The following TRHDE variants were observed in gnomAD, a reference collection of about 807,000 sequenced individuals.
TRHDE encodes thyrotropin releasing hormone degrading enzyme.
A neutral mutation model predicts 125.7 loss-of-function variants in TRHDE; 72 were observed. That is an observed-to-expected ratio of 0.57 (90% CI 0.47 to 0.70). TRHDE has a LOEUF of 0.70. TRHDE is among the 30% of genes least tolerant of loss of function. The pLI is 0.00. For synonymous variants in TRHDE, 509 were observed against 509.1 expected (o/e 1.00, Z 0.00); for missense variants, 1,110 against 1,327.1 (o/e 0.84, Z 2.54).
intron 5 of TRHDE, among the ~76,000 whole-genome samples, chr12:72,480,177 C>T (rs1230346137): frequency 6.6e-6 from 1 of 151,716 alleles, no homozygotes; most frequent in Non-Finnish European, 1.5e-5. Flanking sequence ...GGTATATACC[C>T]AGTAATGGGA....
At chr12:72,378,824 C>A (rs1051383178) in intron 3 of TRHDE, among the ~76,000 whole-genome samples, 3 of 152,168 alleles carry the variant, frequency 2.0e-5, no homozygotes, top group African/African-American at 7.2e-5. Flanking sequence ...CGGTCAAATG[C>A]ATAAATGAAT....
At chr12:72,464,122 G>A (rs1169673385) in intron 3 of TRHDE, among the ~76,000 whole-genome samples, 1 of 152,100 alleles carries the variant, frequency 6.6e-6, no homozygotes, top group Non-Finnish European at 1.5e-5. Context: ...AGCACACTGG[G>A]GGCCTATCAA....
At chr12:72,269,840 G>T (rs1201036580), upstream of TRHDE, among the ~76,000 whole-genome samples, 1 of 152,012 alleles carries the variant, frequency 6.6e-6, no homozygotes, top group Admixed American at 6.6e-5. Context: ...TTTAAAAAAA[G>T]ACAAACAGAA....
chr12:72,146,213 T>C (rs568263037), intron 2 of TRHDE, among the ~76,000 whole-genome samples: 35 of 152,312 alleles, frequency 2.3e-4, no homozygotes, highest in African/African-American at 8.2e-4. Context: ...CTAAATTCTT[T>C]GTCTTGTTTA....
At chr12:72,392,517 A>G (rs1237447235) in intron 3 of TRHDE, among the ~76,000 whole-genome samples, 1 of 152,210 alleles carries the variant, frequency 6.6e-6, no homozygotes, top group African/African-American at 2.4e-5. Flanking sequence ...CAATATCACA[A>G]TGATCAGCAA....
At chr12:72,346,486 T>C (rs1247664970) in intron 2 of TRHDE, among the ~76,000 whole-genome samples, 2 of 6,494 alleles carry the variant, frequency 3.1e-4, no homozygotes, top group South Asian at 1.2e-3. Flanking sequence ...GTGTTAACTG[T>C]TCCCGAGGAG....
chr12:72,411,952 A>G (rs1873528989), intron 3 of TRHDE, among the ~76,000 whole-genome samples: 1 of 152,202 alleles, frequency 6.6e-6, no homozygotes, highest in African/African-American at 2.4e-5. Flanking sequence ...GTTGACACCT[A>G]TCTCACACCA....
chr12:72,390,678 G>A, intron 3 of TRHDE, among the ~76,000 whole-genome samples: 1 of 152,044 alleles, frequency 6.6e-6, no homozygotes, highest in East Asian at 1.9e-4. Context: ...GAACTTTTCA[G>A]ACCTTACCAT....
Position 72,621,660 on chromosome 12 carries a change from G to A in TRHDE, c.2584G>A (p.Val862Ile). 1 of 1,606,870 alleles carries A rather than the reference G, an allele frequency of 6.2e-7. No homozygotes were observed. Among genetic ancestry groups the A allele is most frequent in the Non-Finnish European group, 8.5e-7 (1 of 1,177,594 alleles). Residue 862 changes from valine (V) to isoleucine (I), a missense_variant, in exon 15 of 19, where the codon GTT becomes ATT. This residue lies in a region of TRHDE where 527 missense variants were observed against 651.8 expected (regional missense o/e 0.81). Coordinates refer to ENST00000261180, the MANE Select transcript of TRHDE (RefSeq NM_013381.3). ...GATATCTAGAGAACTACGTAGAGAA[G>A]TTATAATGCTGGCCTGCAGTTTTGG... is the stretch of plus-strand genomic sequence containing the variant. ...SYQHEELRRE[V>I]IMLACSFGNK...
At chr12:72,256,100 G>T (rs1878808359) in intron 2 of TRHDE, 1 of 152,014 alleles carries the variant, frequency 6.6e-6, no homozygotes, top group Non-Finnish European at 1.5e-5. Flanking sequence ...CATTCCTCAG[G>T]TCAAAAGTTG....
intron 2 of TRHDE, among the ~76,000 whole-genome samples, chr12:72,260,817 CTT>C (rs1449858908): frequency 6.6e-6 from 1 of 152,178 alleles, no homozygotes; most frequent in Admixed American, 6.5e-5. Context: ...GTCCCAGAAT[CTT>C]TGCTTACTCT....
chr12:72,507,699 C>G (rs1286353421), intron 6 of TRHDE, among the ~76,000 whole-genome samples: 1 of 152,152 alleles, frequency 6.6e-6, no homozygotes, highest in African/African-American at 2.4e-5. Context: ...GGGAGGAATT[C>G]AAGTGGGTTG....
At chr12:72,640,495 G>A (rs1002615792) in intron 15 of TRHDE, among the ~76,000 whole-genome samples, 5 of 152,178 alleles carry the variant, frequency 3.3e-5, no homozygotes, top group Non-Finnish European at 5.9e-5. Context: ...GCTGTAGACC[G>A]GAGCTGTTCC....
At chr12:72,245,897 T>A (rs1306713432) in intron 2 of TRHDE, among the ~76,000 whole-genome samples, 1 of 152,154 alleles carries the variant, frequency 6.6e-6, no homozygotes, top group Non-Finnish European at 1.5e-5. Context: ...AGGTATTTTT[T>A]ATACAACTGG....
intron 6 of TRHDE, among the ~76,000 whole-genome samples, chr12:72,539,616 G>T (rs150160558): frequency 4.0e-5 from 6 of 151,878 alleles, no homozygotes; most frequent in African/African-American, 7.2e-5. Context: ...CATGCAAATG[G>T]CTACAATGTA....
chr12:72,377,849 C>T, intron 2 of TRHDE, 146 bp from the exon 3 acceptor site: 2 of 484,984 alleles, frequency 4.1e-6, no homozygotes, highest in Non-Finnish European at 6.9e-6. Flanking sequence ...CCTTTCAGCC[C>T]CACTGTGCTT....
chr12:72,623,116 C>A (rs905726471), intron 15 of TRHDE, among the ~76,000 whole-genome samples: 2 of 151,878 alleles, frequency 1.3e-5, no homozygotes, highest in African/African-American at 4.8e-5. Context: ...AATTCTACCA[C>A]GTTTAATCAG....
intron 7 of TRHDE, among the ~76,000 whole-genome samples, chr12:72,552,353 C>T (rs1301508523): frequency 2.0e-5 from 3 of 152,048 alleles, no homozygotes; most frequent in African/African-American, 4.8e-5. Context: ...TGGTCGAATA[C>T]AATGGGCCTA....
chr12:72,117,411 TC>T (rs1875471904), intron 2 of TRHDE, among the ~76,000 whole-genome samples: 1 of 152,152 alleles, frequency 6.6e-6, no homozygotes. Flanking sequence ...ATTTCTGGAT[TC>T]TCTATTCTGT....
Sources: gnomAD v4.1 joint callset for allele counts (sites outside exome capture counted in the v4.1 genomes callset) on GRCh38, gnomAD v4.1.1 for gene constraint, gnomAD v4.1.1 regional missense constraint, MANE v1.5 for transcripts, NCBI Gene and HGNC (gene_info 2026-07-23, HGNC 2026-07-21) for gene names.